DMKN: variants seen among roughly 807,000 people sequenced by gnomAD.
DMKN encodes the protein dermokine.
DMKN carries 58 observed loss-of-function variants against 67.6 expected under a neutral mutation model. The ratio of observed to expected loss-of-function variants is 0.86; its 90% confidence interval spans 0.69 to 1.07. The LOEUF (loss-of-function observed/expected upper bound fraction) is 1.07, where lower values mean the gene tolerates loss of function less well. Ranked by LOEUF, DMKN falls within the 50% of genes least tolerant of loss-of-function variation. The pLI is 0.00. For synonymous variants in DMKN, 240 were observed against 232.3 expected, an observed-to-expected ratio of 1.03 and a Z score of -0.30; for missense variants, 596 against 601.5, an observed-to-expected ratio of 0.99 and a Z score of 0.10.
At chr19:35,510,611 G>A (rs1034156293) in intron 5 of DMKN, 6 of 1,446,034 alleles carry the variant, frequency 4.1e-6, no homozygotes, top group Non-Finnish European at 5.5e-6. Context: ...AGCGGCCGTA[G>A]CTGCCTTGGT....
intron 5 of DMKN, among the ~76,000 whole-genome samples, chr19:35,511,169 G>A (rs568797682): frequency 1.3e-5 from 2 of 152,320 alleles, no homozygotes; most frequent in South Asian, 4.1e-4. Context: ...CCATCACAGA[G>A]TGGAAAATAG....
At chr19:35,504,775 C>T (rs1407929991) in intron 9 of DMKN, among the ~76,000 whole-genome samples, 1 of 151,974 alleles carries the variant, frequency 6.6e-6, no homozygotes, top group Non-Finnish European at 1.5e-5. Flanking sequence ...CTCCACTGCT[C>T]ACAGGGGCCA....
intron 5 of DMKN, 111 bp from the exon 6 acceptor site, chr19:35,510,363 T>C: frequency 1.3e-6 from 2 of 1,552,484 alleles, no homozygotes; most frequent in Non-Finnish European, 1.7e-6. Flanking sequence ...TCCAGTCCTC[T>C]TTCCAACCTC....
At chr19:35,497,790 G>C (rs2067687437) in intron 15 of DMKN, 1 of 152,612 alleles carries the variant, frequency 6.6e-6, no homozygotes, top group African/African-American at 2.4e-5. Flanking sequence ...TTTCTCCACA[G>C]TTCCCCTGTA....
At chr19:35,507,692 C>A (rs1456381385) in intron 7 of DMKN, 5 of 581,290 alleles carry the variant, frequency 8.6e-6, no homozygotes, top group Admixed American at 2.8e-5. Context: ...TCCATCTGCC[C>A]TGAGATCTCG....
intron 12 of DMKN, 36 bp from the exon 13 acceptor site, chr19:35,500,065 G>T (rs192265603): frequency 2.5e-6 from 4 of 1,610,594 alleles, no homozygotes; most frequent in Non-Finnish European, 3.4e-6. Context: ...TAGAACAGAC[G>T]GACGAAGGCC....
chr19:35,503,587 T>C lies in DMKN; in HGVS notation c.1135-701A>G, dbSNP rs574120155. 238 of 1,209,588 alleles carry C rather than the reference T, an allele frequency of 2.0e-4. 1 individual carries two copies. The African/African-American group carries it at 3.5e-3, about 18-fold the overall frequency. The allele number at this position is 1,209,588 out of a possible 1,614,324, so 74.9% of individuals were successfully genotyped here. On this transcript the variant is annotated intron_variant, in intron 9 of 15. Coordinates refer to ENST00000339686, the MANE Select transcript of DMKN (RefSeq NM_033317.5). ...GCTTCCCAGGTTCAAGCGATTCTCC[T>C]GCCTCAGCCTCCCAAGTAGCTGGGA...
chr19:35,509,880 C>A, intron 7 of DMKN, 31 bp downstream of exon 7: 1 of 1,613,726 alleles, frequency 6.2e-7, no homozygotes, highest in Non-Finnish European at 8.5e-7. Flanking sequence ...AACTGCAGTC[C>A]CCAGGAGACT....
At position 35,497,411 on chromosome 19, in the gene DMKN, T is replaced by C. The variant is rs2067623692; in HGVS notation, c.*128A>G. The C allele has an allele frequency of 6.6e-6, 1 of 152,048 alleles. No homozygotes were observed. Among genetic ancestry groups the C allele is most frequent in the Non-Finnish European group, 1.5e-5 (1 of 68,050 alleles). The allele number at this position is 152,048 out of a possible 1,614,324, so 9.4% of individuals were successfully genotyped here. A position where few individuals can be genotyped will look rare whatever the true frequency, so the allele number is the denominator to read the frequency against. ...TGGGAAGAAACAAGGAGAGACAAGCTGGGTCCCCAGCCTAGGAAACAGAGG... is the reference window on the plus strand; with the variant it reads ...TGGGAAGAAACAAGGAGAGACAAGCCGGGTCCCCAGCCTAGGAAACAGAGG... On this transcript the variant is annotated 3_prime_UTR_variant, in exon 16 of 16. Coordinates refer to ENST00000339686, the MANE Select transcript of DMKN (RefSeq NM_033317.5).
Position 35,513,119 on chromosome 19 carries a change from A to G in DMKN, c.357T>C (p.Asp119=), listed in dbSNP as rs1568653923. The part of the protein sequence containing the change: ...TGHEIGRQAE[D]VIRHGADAVR... ...CAGCATCTGCTCCGTGTCGAATGAC[A>G]TCTTCTGCCTGTCTGCCAATCTCGT... The change falls in exon 1 of 16, where the codon GAT becomes GAC. Residue 119 remains aspartate, a synonymous_variant. Coordinates refer to ENST00000339686, the MANE Select transcript of DMKN (RefSeq NM_033317.5). 6.2e-7 allele frequency: 1 copy of G among 1,614,110 alleles called. No individual in the cohort carries two copies. The highest frequency in any genetic ancestry group is 1.7e-5 in the Admixed American group (1 of 60,024).
intron 9 of DMKN, among the ~76,000 whole-genome samples, chr19:35,504,315 G>A (rs2069012360): frequency 6.6e-6 from 1 of 152,104 alleles, no homozygotes; most frequent in Non-Finnish European, 1.5e-5. Flanking sequence ...AGTGACTCAT[G>A]CCTGTAATCC....
intron 7 of DMKN, chr19:35,507,788 G>A (rs2069871909): frequency 4.3e-6 from 2 of 466,756 alleles, no homozygotes; most frequent in Non-Finnish European, 7.7e-6. Flanking sequence ...ATTTCTGCAA[G>A]CCGCCCAAAA....
chr19:35,502,238 C>T, intron 10 of DMKN, 55 bp from the exon 11 acceptor site: 1 of 1,589,206 alleles, frequency 6.3e-7, no homozygotes, highest in Non-Finnish European at 8.6e-7. Context: ...ACGGGGTGGT[C>T]TATGCAGCAA....
At chr19:35,511,369 G>A (rs566897472) in intron 5 of DMKN, 42 bp downstream of exon 5, 2 of 1,604,060 alleles carry the variant, frequency 1.2e-6, no homozygotes, top group South Asian at 2.2e-5. Context: ...GACCACTAGG[G>A]CCTCACCCCA....
chr19:35,500,343 G>T (rs1319365914), intron 12 of DMKN, 190 bp downstream of exon 12: 1 of 1,548,946 alleles, frequency 6.5e-7, no homozygotes, highest in Admixed American at 2.0e-5. Flanking sequence ...GAAGTGCCAG[G>T]ACGTAACCCA....
chr19:35,511,809 G>A lies in DMKN; in HGVS notation c.689C>T (p.Thr230Met), dbSNP rs143821677. The A allele has an allele frequency of 9.0e-4, 1,458 of 1,612,750 alleles. 9 individuals carry two copies. In the Middle Eastern group the frequency reaches 0.012, roughly 13 times the overall value. Residue 230 changes from threonine (T) to methionine (M), a missense_variant, in exon 4 of 16, where the codon ACG (threonine) becomes ATG (methionine). Transcript: ENST00000339686. ...ACCTGAGCCAGATGGTGGGGGATTC[G>A]TGCACTGTCGAGGGAAAGGGATGGT... ...VRASNQNEGC[T>M]NPPPSGSGGG...
chr19:35,506,381 C>A, intron 7 of DMKN: 1 of 634,382 alleles, frequency 1.6e-6, no homozygotes, highest in Non-Finnish European at 2.8e-6. Flanking sequence ...GGATTGCTCC[C>A]ATGGAACCCC....
intron 6 of DMKN, 44 bp downstream of exon 6, chr19:35,510,139 CT>C: frequency 6.3e-7 from 1 of 1,579,722 alleles, no homozygotes; most frequent in South Asian, 1.1e-5. Flanking sequence ...AGCTGCTCTC[CT>C]TTTCCTTCCC....
chr19:35,513,461 C>T lies in DMKN; in HGVS notation c.15G>A (p.Gly5=). 7 of 1,597,700 alleles carry T rather than the reference C, an allele frequency of 4.4e-6. No individual in the cohort carries two copies. Among genetic ancestry groups the T allele is most frequent in the Non-Finnish European group, 5.9e-6 (7 of 1,178,888 alleles). ...GGGCCAGCAGGAGGCAGGCCAGGGGCCCCTGGAACTTCATCTCTGCCCAGC... is the reference window on the plus strand; with the variant it reads ...GGGCCAGCAGGAGGCAGGCCAGGGGTCCCTGGAACTTCATCTCTGCCCAGC... MKFQ[G]PLACLLLALC... is the part of the protein sequence containing the mutation. The change falls in exon 1 of 16, where the codon GGG becomes GGA. Residue 5 remains glycine, a synonymous_variant. Transcript: ENST00000339686.
Sources: gnomAD v4.1 joint callset for allele counts (sites outside exome capture counted in the v4.1 genomes callset) on GRCh38, gnomAD v4.1.1 for gene constraint, MANE v1.5 for transcripts, NCBI Gene and HGNC (gene_info 2026-07-23, HGNC 2026-07-21) for gene names.